The following SPTSSB variants were observed in gnomAD, a reference collection of about 807,000 sequenced individuals.
SPTSSB encodes the protein androgen down regulated in mouse prostate.
In SPTSSB, 6 loss-of-function variants were observed where a neutral mutation model predicts 7.7. The observed-to-expected ratio is 0.78, with a 90% CI of 0.43 to 1.54. The LOEUF (loss-of-function observed/expected upper bound fraction) is 1.54. Ranked by LOEUF, SPTSSB falls within the 40% of genes most tolerant of loss-of-function variation. The probability of loss-of-function intolerance (pLI) is 0.01; values close to 1 mark genes in which losing one functional copy is unlikely to be tolerated. For synonymous variants in SPTSSB, 28 were observed against 29.7 expected, an observed-to-expected ratio of 0.94 and a Z score of 0.19; for missense variants, 91 against 93.0, an observed-to-expected ratio of 0.98 and a Z score of 0.09.
chr3:161,361,396 C>T (rs1715010066), intron 1 of SPTSSB, among the ~76,000 whole-genome samples: 2 of 152,102 alleles, frequency 1.3e-5, no homozygotes, highest in African/African-American at 4.8e-5. Flanking sequence ...ACTAAAATCT[C>T]ACCGATTCTA....
chr3:161,348,272 CA>C (rs1287960067), intron 2 of SPTSSB, among the ~76,000 whole-genome samples: 1 of 134,666 alleles, frequency 7.4e-6, no homozygotes, highest in Non-Finnish European at 1.5e-5. Flanking sequence ...CAAAACAAAA[CA>C]AAACAAAACA....
At chr3:161,362,382 C>T (rs953788582) in intron 1 of SPTSSB, among the ~76,000 whole-genome samples, 1 of 152,096 alleles carries the variant, frequency 6.6e-6, no homozygotes. Context: ...TGCGACTCCA[C>T]CTCCCCATGA....
At chr3:161,359,699 G>T in intron 2 of SPTSSB, 103 bp downstream of exon 2, 1 of 981,380 alleles carries the variant, frequency 1.0e-6, no homozygotes, top group African/African-American at 1.7e-5. Context: ...AATGTTTGCT[G>T]GCTGCTTAGG....
intron 2 of SPTSSB, among the ~76,000 whole-genome samples, chr3:161,346,889 C>T (rs1336638835): frequency 2.0e-5 from 3 of 152,108 alleles, no homozygotes; most frequent in African/African-American, 2.4e-5. Context: ...GAGAAGGGAG[C>T]AGGGAGTGTG....
At chr3:161,347,607 C>T (rs1170521606) in intron 2 of SPTSSB, among the ~76,000 whole-genome samples, 1 of 152,042 alleles carries the variant, frequency 6.6e-6, no homozygotes, top group Non-Finnish European at 1.5e-5. Context: ...CTCGGTGGCT[C>T]ACGCCTGTAA....
chr3:161,363,701 A>T (rs961715456), intron 1 of SPTSSB, among the ~76,000 whole-genome samples: 1 of 152,146 alleles, frequency 6.6e-6, no homozygotes, highest in Admixed American at 6.5e-5. Context: ...TAGTCAAAGT[A>T]TGTATTTAAT....
Position 161,371,461 on chromosome 3 carries a change from G to A in SPTSSB, c.-152C>T. On this transcript the variant is annotated 5_prime_UTR_variant, in exon 1 of 3. Coordinates refer to ENST00000620149, the MANE Select transcript of SPTSSB (RefSeq NM_001040100.2). ...TCCCAGTTGGGTGTATCTCCCTGCG[G>A]CTTAGGTGAGCGCCGAGGCTTTGGC... is the stretch of plus-strand genomic sequence containing the variant. 3 of 985,478 alleles carry A rather than the reference G, an allele frequency of 3.0e-6. No homozygotes were observed. In the Admixed American group the frequency reaches 1.8e-4, roughly 61 times the overall value. 61.0% of individuals were successfully genotyped at this position (985,478 alleles called of 1,614,324 possible). A position where few individuals can be genotyped will look rare whatever the true frequency, so the allele number is the denominator to read the frequency against.
chr3:161,366,959 G>C (rs991674471), intron 1 of SPTSSB, among the ~76,000 whole-genome samples: 7 of 152,168 alleles, frequency 4.6e-5, no homozygotes, highest in African/African-American at 1.7e-4. Flanking sequence ...TGGATTACCT[G>C]ATGTCAGGAG....
intron 2 of SPTSSB, among the ~76,000 whole-genome samples, chr3:161,347,349 C>G (rs1350075278): frequency 6.6e-6 from 1 of 152,036 alleles, no homozygotes; most frequent in Admixed American, 6.5e-5. Context: ...CTTCCACCTC[C>G]CAGGTTCAAG....
At chr3:161,352,524 T>C (rs895810516) in intron 2 of SPTSSB, among the ~76,000 whole-genome samples, 2 of 152,238 alleles carry the variant, frequency 1.3e-5, no homozygotes. Flanking sequence ...CACAAGACTA[T>C]GAGGGCTTTG....
intron 2 of SPTSSB, among the ~76,000 whole-genome samples, chr3:161,353,062 CTATT>C: frequency 6.6e-6 from 1 of 152,038 alleles, no homozygotes; most frequent in East Asian, 1.9e-4. Flanking sequence ...TCCTCTCTTT[CTATT>C]TATTTATTTT....
chr3:161,351,808 C>A (rs1448028898), intron 2 of SPTSSB, among the ~76,000 whole-genome samples: 4 of 152,122 alleles, frequency 2.6e-5, no homozygotes, highest in African/African-American at 9.7e-5. Context: ...TCTTAACCTA[C>A]TAATTGCAAC....
At chr3:161,368,285 CTACT>C (rs959442304) in intron 1 of SPTSSB, among the ~76,000 whole-genome samples, 7 of 152,154 alleles carry the variant, frequency 4.6e-5, no homozygotes, top group Admixed American at 6.5e-5. Flanking sequence ...TACAATTTAC[CTACT>C]TAAAGTACAC....
chr3:161,357,360 T>C (rs1714812488), intron 2 of SPTSSB, among the ~76,000 whole-genome samples: 1 of 152,224 alleles, frequency 6.6e-6, no homozygotes, highest in Non-Finnish European at 1.5e-5. Flanking sequence ...CTGAGAATAG[T>C]GTGGATATAT....
intron 2 of SPTSSB, among the ~76,000 whole-genome samples, chr3:161,349,949 C>T (rs1289812330): frequency 1.3e-5 from 2 of 152,078 alleles, no homozygotes; most frequent in Non-Finnish European, 1.5e-5. Flanking sequence ...TCTCCTCTCT[C>T]AGATAGAGAG....
chr3:161,356,698 C>T (rs1175981772), intron 2 of SPTSSB, among the ~76,000 whole-genome samples: 2 of 152,118 alleles, frequency 1.3e-5, no homozygotes, highest in Non-Finnish European at 2.9e-5. Flanking sequence ...GTGATGAGGT[C>T]AGTGTTTTTC....
At chr3:161,366,600 A>G (rs892744586) in intron 1 of SPTSSB, among the ~76,000 whole-genome samples, 4 of 152,138 alleles carry the variant, frequency 2.6e-5, no homozygotes, top group African/African-American at 7.2e-5. Context: ...CTCACTATTT[A>G]AAATTGTAGC....
At chr3:161,348,734 C>T (rs116456922) in intron 2 of SPTSSB, among the ~76,000 whole-genome samples, 2,807 of 152,248 alleles carry the variant, frequency 0.018, 51 homozygotes, top group Non-Finnish European at 0.021. Context: ...TCTCAGCCCT[C>T]TAAGTAGCCA....
At chr3:161,369,260 TTC>T (rs925794115) in intron 1 of SPTSSB, among the ~76,000 whole-genome samples, 25 of 150,608 alleles carry the variant, frequency 1.7e-4, no homozygotes, top group African/African-American at 4.4e-4. Flanking sequence ...CTTTCTTTCT[TTC>T]TCTTTCTTTT....
Sources: gnomAD v4.1 joint callset for allele counts (sites outside exome capture counted in the v4.1 genomes callset) on GRCh38, gnomAD v4.1.1 for gene constraint, MANE v1.5 for transcripts, NCBI Gene and HGNC (gene_info 2026-07-23, HGNC 2026-07-21) for gene names.